UBR1: variants seen among roughly 807,000 people sequenced by gnomAD.
UBR1 encodes ubiquitin protein ligase E3 component n-recognin 1.
UBR1 carries 102 observed loss-of-function variants against 242.1 expected under a neutral mutation model. The ratio of observed to expected loss-of-function variants is 0.42; its 90% CI spans 0.36 to 0.50. The LOEUF is 0.50. UBR1 is among the 20% of genes least tolerant of loss of function. UBR1 has a pLI of 0.01. For missense variants in UBR1, 1,772 were observed against 2,101.8 expected (o/e 0.84, Z 3.07); for synonymous variants, 675 against 684.8 (o/e 0.99, Z 0.22).
intron 46 of UBR1, 56 bp from the exon 47 acceptor site, chr15:42,945,526 C>T (rs768757971): frequency 7.7e-5 from 123 of 1,599,280 alleles, no homozygotes; most frequent in Non-Finnish European, 9.8e-5. Flanking sequence ...ACTGCCACAT[C>T]TTTATTGTCT....
chr15:43,025,445 T>C lies in UBR1; in HGVS notation c.2536-16A>G, dbSNP rs763321453. On this transcript the variant is annotated splice_polypyrimidine_tract_variant and intron_variant, in intron 23 of 46. Coordinates refer to ENST00000290650, the MANE Select transcript of UBR1 (RefSeq NM_174916.3). ...TATGTTCAGCCTATAAAAAAATCTA[T>C]CATTAAATATACTGCTTTGGAAGCA... 5.3e-5 allele frequency: 84 copies of C among 1,576,900 alleles called. No individual in the cohort carries two copies. The highest frequency in any genetic ancestry group is 7.2e-5 in the Non-Finnish European group (83 of 1,151,776).
chr15:43,045,211 C>A (rs992108393), intron 14 of UBR1, among the ~76,000 whole-genome samples: 1 of 152,168 alleles, frequency 6.6e-6, no homozygotes, highest in Non-Finnish European at 1.5e-5. Context: ...ATAATCCCAG[C>A]ACTTTGGGAG....
chr15:43,099,454 A>C (rs1447508059), intron 1 of UBR1, among the ~76,000 whole-genome samples: 1 of 152,216 alleles, frequency 6.6e-6, no homozygotes, highest in Non-Finnish European at 1.5e-5. Flanking sequence ...TTTCAGCAGG[A>C]GACAACTTTG....
At chr15:43,069,464 A>G (rs2033796852) in intron 5 of UBR1, among the ~76,000 whole-genome samples, 1 of 152,078 alleles carries the variant, frequency 6.6e-6, no homozygotes, top group South Asian at 2.1e-4. Context: ...TTTAGTAGAG[A>G]CAGGGTTTCA....
intron 38 of UBR1, 126 bp downstream of exon 38, chr15:42,977,754 A>C: frequency 1.3e-6 from 1 of 781,650 alleles, no homozygotes; most frequent in Non-Finnish European, 2.2e-6. Context: ...AATGGACAGG[A>C]GAGACCAAAC....
intron 10 of UBR1, among the ~76,000 whole-genome samples, chr15:43,056,815 G>C (rs532644499): frequency 6.6e-6 from 1 of 152,244 alleles, no homozygotes; most frequent in South Asian, 2.1e-4. Context: ...ATTGGGCAGG[G>C]AATATATTCA....
chr15:42,985,361 T>TC (rs1446941825), intron 35 of UBR1, among the ~76,000 whole-genome samples: 5 of 151,856 alleles, frequency 3.3e-5, no homozygotes, highest in African/African-American at 9.6e-5. Flanking sequence ...TGGGTACAAT[T>TC]TTTTTTTTGA....
At chr15:43,005,356 C>T (rs1370464443) in intron 30 of UBR1, among the ~76,000 whole-genome samples, 4 of 151,442 alleles carry the variant, frequency 2.6e-5, no homozygotes, top group Admixed American at 1.3e-4. Context: ...CCTGGCCAGC[C>T]GCCCCATCCG....
At chr15:43,042,926 A>C (rs963376280) in intron 15 of UBR1, among the ~76,000 whole-genome samples, 2 of 152,152 alleles carry the variant, frequency 1.3e-5, no homozygotes, top group African/African-American at 4.8e-5. Context: ...ACCAGATTTT[A>C]TTATATTTAA....
rs760096787 is a variant in UBR1 at position 43,026,549 on chromosome 15, A to G, written c.2535+12T>C. 6.2e-7 allele frequency: 1 copy of G among 1,607,428 alleles called. No individual in the cohort carries two copies. Among genetic ancestry groups the G allele is most frequent in the South Asian group, 1.1e-5 (1 of 90,916 alleles). ...TTTAGGTTTATTTACTGAAAAGGATACTTTTTTCTACCTTGCTATGCTGGG... is the reference window on the plus strand; with the variant it reads ...TTTAGGTTTATTTACTGAAAAGGATGCTTTTTTCTACCTTGCTATGCTGGG... On this transcript the variant is annotated intron_variant, in intron 23 of 46. Transcript: ENST00000290650.
chr15:43,069,320 AG>A (rs1416201900), intron 5 of UBR1, among the ~76,000 whole-genome samples: 1 of 150,026 alleles, frequency 6.7e-6, no homozygotes, highest in East Asian at 2.0e-4. Context: ...TCTGTCACCC[AG>A]GCTGGAGTGC....
chr15:43,014,406 T>C (rs1406359651), intron 29 of UBR1, among the ~76,000 whole-genome samples: 1 of 149,102 alleles, frequency 6.7e-6, no homozygotes, highest in Non-Finnish European at 1.5e-5. Flanking sequence ...GGAGCATCTC[T>C]GCCCGGCCGC....
At chr15:43,047,315 C>G (rs1245939150) in intron 13 of UBR1, 26 bp from the exon 14 acceptor site, 1 of 1,614,004 alleles carries the variant, frequency 6.2e-7, no homozygotes. Flanking sequence ...GGTCAACATA[C>G]ACCTATCTGA....
intron 37 of UBR1, among the ~76,000 whole-genome samples, chr15:42,979,603 T>C (rs1348636185): frequency 6.6e-6 from 1 of 152,132 alleles, no homozygotes. Context: ...CAGGCTGGAG[T>C]ACAGTGGTGC....
intron 40 of UBR1, 78 bp downstream of exon 40, chr15:42,970,442 T>C: frequency 7.0e-7 from 1 of 1,432,120 alleles, no homozygotes; most frequent in Non-Finnish European, 9.8e-7. Context: ...ATTTAAATGA[T>C]TCAAATGTTA....
In UBR1 at chr15:43,058,411, T is replaced by C; in HGVS notation, c.1112A>G (p.His371Arg). ...AAAAAAACTGCTGAAGATCAATTCA[T>C]GAAGGATCTTACGGGCACCTATAGA... The part of the protein sequence containing the change: ...KLYKGARKIL[H>R]ELIFSSFFME... The change falls in exon 10 of 47, where the codon CAT (histidine) becomes CGT (arginine). Residue 371 changes from histidine to arginine, a missense_variant. By Grantham distance (29) the His-to-Arg change is conservative. This residue lies in a region of UBR1 where 734 missense variants were observed against 893.3 expected (regional missense o/e 0.82). Transcript: ENST00000290650. 2 of 1,611,390 alleles carry C rather than the reference T, an allele frequency of 1.2e-6. No individual in the cohort carries two copies. The highest frequency in any genetic ancestry group is 1.7e-6 in the Non-Finnish European group (2 of 1,178,668).
At chr15:43,038,768 T>C (rs1466408667) in intron 15 of UBR1, among the ~76,000 whole-genome samples, 1 of 152,180 alleles carries the variant, frequency 6.6e-6, no homozygotes. Context: ...ACAAACTGTC[T>C]CTCAAGATAC....
At chr15:42,988,293 G>GTA (rs2032506102) in intron 35 of UBR1, among the ~76,000 whole-genome samples, 1 of 150,776 alleles carries the variant, frequency 6.6e-6, no homozygotes, top group Non-Finnish European at 1.5e-5. Flanking sequence ...GTGTGTGTGT[G>GTA]AACACACACA....
intron 3 of UBR1, among the ~76,000 whole-genome samples, chr15:43,082,432 A>T (rs568435786): frequency 1.3e-5 from 2 of 152,320 alleles, no homozygotes; most frequent in African/African-American, 4.8e-5. Context: ...ATCACATAAT[A>T]TCTGATCTTG....
Sources: gnomAD v4.1 joint callset for allele counts (sites outside exome capture counted in the v4.1 genomes callset) on GRCh38, gnomAD v4.1.1 for gene constraint, gnomAD v4.1.1 regional missense constraint, MANE v1.5 for transcripts, NCBI Gene and HGNC (gene_info 2026-07-23, HGNC 2026-07-21) for gene names.